The following RANBP2 variants were observed in gnomAD, a reference collection of about 807,000 sequenced individuals.
RANBP2 encodes the protein E3 SUMO-protein ligase RanBP2.
A neutral mutation model predicts 303.6 loss-of-function variants in RANBP2; 57 were observed. The ratio of observed to expected loss-of-function variants is 0.19; its 90% CI spans 0.15 to 0.23. The LOEUF (loss-of-function observed/expected upper bound fraction) is 0.23, where lower values mean the gene tolerates loss of function less well. RANBP2 is among the 10% of genes least tolerant of loss of function. The pLI is 1.00. For synonymous variants in RANBP2, 1,167 were observed against 1,301.5 expected (o/e 0.90, Z 2.23); for missense variants, 3,138 against 3,780.8 (o/e 0.83, Z 4.46).
chr2:108,856,958 A>T, the RANBP2 span: 1 of 1,579,854 alleles, frequency 6.3e-7, no homozygotes, highest in African/African-American at 1.4e-5. Context: ...GCTCCAGATG[A>T]CGGTGGAATC....
chr2:109,176,828 A>C, the RANBP2 span, among the ~76,000 whole-genome samples: 1 of 152,226 alleles, frequency 6.6e-6, no homozygotes, highest in Non-Finnish European at 1.5e-5. Flanking sequence ...CTTATGTGAC[A>C]CGGCATTGTT....
At chr2:109,409,418 A>G in the RANBP2 span, among the ~76,000 whole-genome samples, 7 of 152,338 alleles carry the variant, frequency 4.6e-5, no homozygotes, top group East Asian at 1.4e-3. Flanking sequence ...GATGGTGGGC[A>G]TGGCTGGCTG....
the RANBP2 span, among the ~76,000 whole-genome samples, chr2:109,420,715 G>T: frequency 6.6e-6 from 1 of 152,256 alleles, no homozygotes; most frequent in African/African-American, 2.4e-5. Context: ...TAAATGCTGG[G>T]ATTACAGGCA....
At chr2:108,940,940 G>A in the RANBP2 span, among the ~76,000 whole-genome samples, 2 of 152,172 alleles carry the variant, frequency 1.3e-5, no homozygotes, top group African/African-American at 4.8e-5. Flanking sequence ...GGGAGACTTT[G>A]ATAACGTATA....
the RANBP2 span, among the ~76,000 whole-genome samples, chr2:109,712,577 G>A: frequency 2.0e-5 from 3 of 152,136 alleles, no homozygotes; most frequent in South Asian, 2.1e-4. Context: ...GATTACAGGC[G>A]TGTGCCACAA....
At chr2:109,597,278 A>G in the RANBP2 span, among the ~76,000 whole-genome samples, 42,808 of 152,148 alleles carry the variant, frequency 0.28, 6,328 homozygotes, top group Admixed American at 0.4. Flanking sequence ...AAAAGTAATA[A>G]TAGGACAAGA....
the RANBP2 span, among the ~76,000 whole-genome samples, chr2:109,628,470 G>A: frequency 6.6e-6 from 1 of 151,266 alleles, no homozygotes. Flanking sequence ...CTCCAGCCTG[G>A]ATGACAAAGT....
the RANBP2 span, among the ~76,000 whole-genome samples, chr2:109,495,042 T>A: frequency 6.6e-6 from 1 of 152,130 alleles, no homozygotes; most frequent in East Asian, 1.9e-4. Context: ...GTCTCGTAAG[T>A]AGACTTATGA....
chr2:109,029,917 C>A, the RANBP2 span, among the ~76,000 whole-genome samples: 16 of 152,328 alleles, frequency 1.1e-4, no homozygotes, highest in East Asian at 2.9e-3. Flanking sequence ...TAAAGAAATA[C>A]TATACTAATA....
the RANBP2 span, among the ~76,000 whole-genome samples, chr2:108,836,178 C>T: frequency 7.9e-5 from 12 of 152,164 alleles, no homozygotes; most frequent in Non-Finnish European, 1.3e-4. Flanking sequence ...CACCTACCCC[C>T]GCCCCTGATG....
rs1675682760 is a variant in RANBP2 at position 108,749,551 on chromosome 2, G to T, written c.1273+422G>T. 2.0e-5 allele frequency among the ~76,000 whole-genome samples: 3 copies of T among 152,064 alleles called. No individual in the cohort carries two copies. In the South Asian group the frequency reaches 6.2e-4, roughly 32 times the overall value. On this transcript the variant is annotated intron_variant, in intron 9 of 28. Coordinates refer to ENST00000283195, the MANE Select transcript of RANBP2 (RefSeq NM_006267.5). ...GACCTCAGGTGATCCACCTGCCTTGGCCTCCCAAAGTGCTGGGATTACAGG... is the reference window on the plus strand; with the variant it reads ...GACCTCAGGTGATCCACCTGCCTTGTCCTCCCAAAGTGCTGGGATTACAGG...
chr2:109,390,192 T>C, the RANBP2 span, among the ~76,000 whole-genome samples: 2 of 152,222 alleles, frequency 1.3e-5, no homozygotes, highest in Admixed American at 1.3e-4. Context: ...GTGGCAGTTC[T>C]TGGAGAAAGT....
At chr2:109,545,982 G>C in the RANBP2 span, 23 of 1,508,888 alleles carry the variant, frequency 1.5e-5, no homozygotes, top group Middle Eastern at 5.0e-4. Flanking sequence ...AGAAGCGCTA[G>C]GAAGATCCGA....
the RANBP2 span, among the ~76,000 whole-genome samples, chr2:109,456,175 G>A: frequency 6.6e-6 from 1 of 152,186 alleles, no homozygotes; most frequent in African/African-American, 2.4e-5. Flanking sequence ...AACCACCTCT[G>A]CCCTGGCCAC....
the RANBP2 span, among the ~76,000 whole-genome samples, chr2:108,815,002 T>C: frequency 6.6e-6 from 1 of 152,176 alleles, no homozygotes; most frequent in Non-Finnish European, 1.5e-5. Context: ...TAGTGGTATC[T>C]TATTAAAAAA....
chr2:109,052,349 G>T, the RANBP2 span, among the ~76,000 whole-genome samples: 1 of 152,100 alleles, frequency 6.6e-6, no homozygotes, highest in Non-Finnish European at 1.5e-5. Flanking sequence ...TAGAAAGGGG[G>T]GCGTATTGCA....
At chr2:109,452,931 C>T in the RANBP2 span, among the ~76,000 whole-genome samples, 9 of 148,534 alleles carry the variant, frequency 6.1e-5, no homozygotes, top group African/African-American at 7.5e-5. Flanking sequence ...AGGCTGGTCC[C>T]GGGAGGCTGG....
chr2:109,091,241 A>C, the RANBP2 span, among the ~76,000 whole-genome samples: 7 of 152,072 alleles, frequency 4.6e-5, no homozygotes, highest in African/African-American at 7.2e-5. Flanking sequence ...TAATAAATAA[A>C]ATAAAATAAA....
the RANBP2 span, among the ~76,000 whole-genome samples, chr2:109,620,866 T>G: frequency 6.6e-6 from 1 of 152,174 alleles, no homozygotes; most frequent in African/African-American, 2.4e-5. Context: ...GAAATGAAGT[T>G]TAGTTTAACA....
Sources: allele counts gnomAD v4.1 joint callset (sites outside exome capture counted in the v4.1 genomes callset), GRCh38; gene constraint gnomAD v4.1.1; transcripts MANE v1.5; gene names NCBI Gene and HGNC (gene_info 2026-07-23, HGNC 2026-07-21).